Variants in RCSD1 observed in about 807,000 individuals in gnomAD.
The protein encoded by RCSD1 is RCSD domain containing 1.
RCSD1 carries 26 observed loss-of-function variants against 42.5 expected under a neutral mutation model. The observed-to-expected ratio is 0.61, with a 90% CI of 0.45 to 0.85. The LOEUF (loss-of-function observed/expected upper bound fraction) is 0.85, where lower values mean the gene tolerates loss of function less well. Among genes scored for constraint, RCSD1 ranks in the 40% least tolerant of loss-of-function variants. The pLI is 0.00. For missense variants in RCSD1, 571 were observed against 528.3 expected, an observed-to-expected ratio of 1.08 and a Z score of -0.79; for synonymous variants, 220 against 212.2, an observed-to-expected ratio of 1.04 and a Z score of -0.32.
At chr1:167,698,800 TG>T (rs1283584071) in intron 6 of RCSD1, among the ~76,000 whole-genome samples, 1 of 148,824 alleles carries the variant, frequency 6.7e-6, no homozygotes, top group African/African-American at 2.5e-5. Flanking sequence ...TTTTTGTTTT[TG>T]TTTTTGTTTT....
chr1:167,632,057 C>G (rs779875930), intron 1 of RCSD1, among the ~76,000 whole-genome samples: 1 of 152,216 alleles, frequency 6.6e-6, no homozygotes, highest in Non-Finnish European at 1.5e-5. Context: ...ACGCACACAG[C>G]GAAGCTCAGC....
chr1:167,697,037 A>G, intron 5 of RCSD1, 62 bp from the exon 6 acceptor site: 1 of 1,496,940 alleles, frequency 6.7e-7, no homozygotes, highest in South Asian at 1.3e-5. Flanking sequence ...AAGTGCATAC[A>G]GTCCTCCTCT....
At chr1:167,702,847 ATT>A (rs1219148014) in intron 6 of RCSD1, among the ~76,000 whole-genome samples, 13 of 152,370 alleles carry the variant, frequency 8.5e-5, no homozygotes, top group Middle Eastern at 3.4e-3. Context: ...TCAAACACTC[ATT>A]ATGTATCCAG....
intron 1 of RCSD1, among the ~76,000 whole-genome samples, chr1:167,675,028 A>G (rs940516027): frequency 2.0e-5 from 3 of 152,002 alleles, no homozygotes; most frequent in Non-Finnish European, 4.4e-5. Context: ...AACACAGTGA[A>G]ACCCCATCTC....
In RCSD1 at chr1:167,663,165, A is replaced by G. The variant is rs552875650; in HGVS notation, c.7-20735A>G. On this transcript the variant is annotated intron_variant, in intron 1 of 6. Coordinates refer to ENST00000367854, the MANE Select transcript of RCSD1 (RefSeq NM_052862.4). The stretch of plus-strand genomic sequence containing the variant: ...TTTGCAGGACAGGGCTTGTCTGCTC[A>G]GAGACTTAACCCCGTAGTCCCACTC... Among the ~76,000 whole-genome samples, 6 of 152,296 alleles carry G rather than the reference A, an allele frequency of 3.9e-5. No homozygotes were observed. In the South Asian group the frequency reaches 1.2e-3, roughly 32 times the overall value.
intron 1 of RCSD1, among the ~76,000 whole-genome samples, chr1:167,652,633 A>G (rs7527985): frequency 0.33 from 50,290 of 152,026 alleles, 8,661 homozygotes; most frequent in African/African-American, 0.39. Flanking sequence ...TTTTTTGCCC[A>G]TCGAATGCAC....
chr1:167,669,812 A>G (rs906883778), intron 1 of RCSD1, among the ~76,000 whole-genome samples: 5 of 152,172 alleles, frequency 3.3e-5, no homozygotes, highest in Non-Finnish European at 7.4e-5. Context: ...TGTCCTGCTA[A>G]TGCTCACTCC....
At chr1:167,638,114 T>A (rs1166069685) in intron 1 of RCSD1, among the ~76,000 whole-genome samples, 1 of 152,210 alleles carries the variant, frequency 6.6e-6, no homozygotes, top group African/African-American at 2.4e-5. Context: ...GTGAGCTAAA[T>A]GTACGCTTTT....
chr1:167,674,109 G>A (rs1241084282), intron 1 of RCSD1, among the ~76,000 whole-genome samples: 1 of 152,238 alleles, frequency 6.6e-6, no homozygotes, highest in South Asian at 2.1e-4. Flanking sequence ...TCTGACAAGT[G>A]TCAGGCCCAT....
At position 167,644,488 on chromosome 1, in the gene RCSD1, A is replaced by AATAAATAC. The variant is rs1295341494; in HGVS notation, c.6+14062_6+14063insAATACATA. Among the ~76,000 whole-genome samples, 581 of 76,752 alleles carry AATAAATAC rather than the reference A, an allele frequency of 7.6e-3. 3 individuals are homozygous for AATAAATAC. The highest frequency in any genetic ancestry group is 0.028 in the African/African-American group (512 of 17,972). 50.4% of individuals were successfully genotyped at this position (76,752 alleles called of 152,430 possible). ...GAGTGAAACTCTGTCTCAAAAAATA[A>AATAAATAC]ATACATACATACATACATACATACA... On this transcript the variant is annotated intron_variant, in intron 1 of 6. Transcript: ENST00000367854.
Position 167,690,022 on chromosome 1 carries a change from G to A in RCSD1, c.199-27G>A, listed in dbSNP as rs771022832. 1.9e-6 allele frequency: 3 copies of A among 1,611,742 alleles called. No homozygotes were observed. In the African/African-American group the frequency reaches 4.0e-5, roughly 22 times the overall value. ...CCCACTTTCCTCACCTTACTTATCT[G>A]GTTGTTTTGGTTGATTTGCTCCATA... is the stretch of plus-strand genomic sequence containing the variant. On this transcript the variant is annotated intron_variant, in intron 3 of 6. Transcript: ENST00000367854.
intron 1 of RCSD1, among the ~76,000 whole-genome samples, chr1:167,655,566 G>A (rs1658405218): frequency 1.3e-5 from 2 of 152,248 alleles, no homozygotes; most frequent in South Asian, 2.1e-4. Flanking sequence ...TGGGCAAGGT[G>A]AAGGGAACAC....
At chr1:167,690,718 A>G (rs959098132) in intron 4 of RCSD1, among the ~76,000 whole-genome samples, 5 of 152,072 alleles carry the variant, frequency 3.3e-5, no homozygotes, top group Admixed American at 6.5e-5. Flanking sequence ...AAAGGACACC[A>G]TAGTTGCCAT....
chr1:167,633,071 G>A (rs925986465), intron 1 of RCSD1, among the ~76,000 whole-genome samples: 1 of 152,130 alleles, frequency 6.6e-6, no homozygotes, highest in South Asian at 2.1e-4. Context: ...GACCAAAGAG[G>A]GTTACTCAAT....
chr1:167,655,922 G>T (rs559111134), intron 1 of RCSD1, among the ~76,000 whole-genome samples: 12 of 152,296 alleles, frequency 7.9e-5, no homozygotes, highest in Non-Finnish European at 1.6e-4. Context: ...AAAACACCAT[G>T]TTCTACTTGC....
rs6659771 is a variant in RCSD1 at position 167,708,380 on chromosome 1, C to T, written c.*3684C>T. Among the ~76,000 whole-genome samples, 3,142 of 152,228 alleles carry T rather than the reference C, an allele frequency of 0.021. 122 individuals are homozygous for T. Among genetic ancestry groups the T allele is most frequent in the African/African-American group, 0.072 (2,980 of 41,528 alleles). On this transcript the variant is annotated 3_prime_UTR_variant, in exon 7 of 7. Coordinates refer to ENST00000367854, the MANE Select transcript of RCSD1 (RefSeq NM_052862.4). ...TGCTTCAAAATTAAATTTTGTTTGA[C>T]CCCAACTAGTTCTAGTCAAGTTTTT...
intron 1 of RCSD1, among the ~76,000 whole-genome samples, chr1:167,679,594 C>T (rs897142662): frequency 6.6e-6 from 1 of 152,210 alleles, no homozygotes; most frequent in Non-Finnish European, 1.5e-5. Context: ...ATACCTCAGA[C>T]CTTTGAGGCT....
Position 167,704,712 on chromosome 1 carries a change from GC to G in RCSD1, c.*20del. ...TAAAATGTGAAGAACAGCTCATTGT[GC>G]CCCAGTGATGAAGTTGCTGGACACA... On this transcript the variant is annotated 3_prime_UTR_variant, in exon 7 of 7. Coordinates refer to ENST00000367854, the MANE Select transcript of RCSD1 (RefSeq NM_052862.4). 6.2e-7 allele frequency: 1 copy of G among 1,611,676 alleles called. No individual in the cohort carries two copies.
rs1659745924 is a variant in RCSD1, at chr1:167,705,840, G to A, written c.*1144G>A. Reference sequence around the variant, plus strand: ...CAGGGGGCCTGACTACCCAGTCTTTGACTTGTATCCTCTCCCCTCTTCATA... The same window carrying A: ...CAGGGGGCCTGACTACCCAGTCTTTAACTTGTATCCTCTCCCCTCTTCATA... On this transcript the variant is annotated 3_prime_UTR_variant, in exon 7 of 7. Coordinates refer to ENST00000367854, the MANE Select transcript of RCSD1 (RefSeq NM_052862.4). 1 of 152,144 alleles carries A rather than the reference G, an allele frequency of 6.6e-6. No homozygotes were observed. The highest frequency in any genetic ancestry group is 2.4e-5 in the African/African-American group (1 of 41,428). 9.4% of individuals were successfully genotyped at this position (152,144 alleles called of 1,614,324 possible).
Sources: allele counts gnomAD v4.1 joint callset (sites outside exome capture counted in the v4.1 genomes callset), GRCh38; gene constraint gnomAD v4.1.1; transcripts MANE v1.5; gene names NCBI Gene and HGNC (gene_info 2026-07-23, HGNC 2026-07-21).